LRP1B: variants seen among roughly 807,000 people sequenced by gnomAD.
LRP1B encodes LDL receptor related protein 1B.
LRP1B carries 217 observed loss-of-function variants against 556.6 expected under a neutral mutation model. The observed-to-expected ratio is 0.39, with a 90% CI of 0.35 to 0.44. The LOEUF is 0.44. Among genes scored for constraint, LRP1B ranks in the 20% least tolerant of loss-of-function variants. The probability of loss-of-function intolerance (pLI) is 1.00; values close to 1 mark genes in which losing one functional copy is unlikely to be tolerated. For synonymous variants in LRP1B, 2,047 were observed against 1,865.8 expected, an observed-to-expected ratio of 1.10 and a Z score of -2.50; for missense variants, 5,053 against 5,620.8, an observed-to-expected ratio of 0.90 and a Z score of 3.23.
At chr2:140,583,911 A>G (rs1681880797) in intron 43 of LRP1B, among the ~76,000 whole-genome samples, 1 of 152,180 alleles carries the variant, frequency 6.6e-6, no homozygotes, top group African/African-American at 2.4e-5. Context: ...ATAACTTAAC[A>G]GTCTTCCCAT....
At chr2:141,799,297 G>A (rs998749961) in intron 2 of LRP1B, among the ~76,000 whole-genome samples, 4 of 152,156 alleles carry the variant, frequency 2.6e-5, no homozygotes, top group African/African-American at 7.2e-5. Context: ...AGATAGCTAA[G>A]TGTTCTAGTC....
At chr2:140,407,826 G>T (rs1476880305) in intron 66 of LRP1B, among the ~76,000 whole-genome samples, 3 of 151,828 alleles carry the variant, frequency 2.0e-5, no homozygotes, top group Non-Finnish European at 4.4e-5. Context: ...TCCTACTACT[G>T]GGTACCTATC....
intron 1 of LRP1B, among the ~76,000 whole-genome samples, chr2:141,940,644 T>A (rs1016255651): frequency 6.6e-6 from 1 of 152,184 alleles, no homozygotes; most frequent in Non-Finnish European, 1.5e-5. Flanking sequence ...TTTGAATATA[T>A]GTGTATTTTT....
At chr2:140,607,455 C>A (rs1451067190) in intron 41 of LRP1B, among the ~76,000 whole-genome samples, 1 of 152,020 alleles carries the variant, frequency 6.6e-6, no homozygotes, top group Non-Finnish European at 1.5e-5. Flanking sequence ...TCCACACATA[C>A]ACAAATGTTC....
At chr2:142,017,665 A>G (rs7593415) in intron 1 of LRP1B, among the ~76,000 whole-genome samples, 68,588 of 151,726 alleles carry the variant, frequency 0.45, 15,964 homozygotes, top group African/African-American at 0.56. Flanking sequence ...ACTTGTGCCC[A>G]AGAGTTTTGA....
rs184307558 is a variant in LRP1B, at chr2:140,306,262, G to A, written c.12806-8293C>T. Among the ~76,000 whole-genome samples, 725 of 151,936 alleles carry A rather than the reference G, an allele frequency of 4.8e-3. 8 individuals carry two copies. Among genetic ancestry groups the A allele is most frequent in the African/African-American group, 0.016 (683 of 41,470 alleles). On this transcript the variant is annotated intron_variant, in intron 83 of 90. Transcript: ENST00000389484. ...CCTCCTTGTACTTCCGGTAGAATTT[G>A]GCTGTGAATCTGTCTGGTCCTGTAC...
At chr2:141,501,233 T>C (rs1420404951) in intron 2 of LRP1B, among the ~76,000 whole-genome samples, 2 of 152,152 alleles carry the variant, frequency 1.3e-5, no homozygotes, top group African/African-American at 4.8e-5. Context: ...ATTTTATGTA[T>C]ACTTTATTTT....
chr2:140,361,369 T>TATAC lies in LRP1B; in HGVS notation c.11132-2424_11132-2423insGTAT, dbSNP rs1553454151. 8.3e-4 allele frequency among the ~76,000 whole-genome samples: 105 copies of TATAC among 127,222 alleles called. 3 individuals are homozygous for TATAC. Among genetic ancestry groups the TATAC allele is most frequent in the African/African-American group, 3.1e-3 (104 of 33,118 alleles). The allele number at this position is 127,222 out of a possible 152,430, so 83.5% of individuals were successfully genotyped here. ...ATATATATATATATATATATATATA[T>TATAC]ATATATATATAACAAAAATAAGTAG... On this transcript the variant is annotated intron_variant, in intron 72 of 90. Transcript: ENST00000389484.
At chr2:141,894,134 C>G (rs2104919917) in intron 1 of LRP1B, among the ~76,000 whole-genome samples, 1 of 152,170 alleles carries the variant, frequency 6.6e-6, no homozygotes, top group Admixed American at 6.5e-5. Context: ...TTGGCTGTAA[C>G]TCAGAAATAA....
chr2:141,686,002 G>A (rs894169058), intron 2 of LRP1B, among the ~76,000 whole-genome samples: 1 of 151,902 alleles, frequency 6.6e-6, no homozygotes, highest in African/African-American at 2.4e-5. Context: ...GTTTTCATAT[G>A]GAAAACAAAT....
At chr2:141,692,620 A>G (rs548578092) in intron 2 of LRP1B, among the ~76,000 whole-genome samples, 2 of 152,092 alleles carry the variant, frequency 1.3e-5, no homozygotes, top group East Asian at 3.9e-4. Flanking sequence ...AGGACCCATT[A>G]GAGTCATGAG....
At chr2:142,101,276 C>T (rs188760248) in intron 1 of LRP1B, among the ~76,000 whole-genome samples, 65 of 151,998 alleles carry the variant, frequency 4.3e-4, no homozygotes, top group South Asian at 1.2e-3. Flanking sequence ...TAATCATTCA[C>T]ATAGTAAAAA....
At chr2:141,515,814 G>A (rs1684294648) in intron 2 of LRP1B, among the ~76,000 whole-genome samples, 1 of 152,152 alleles carries the variant, frequency 6.6e-6, no homozygotes, top group Non-Finnish European at 1.5e-5. Context: ...TTGTTAATGA[G>A]TGAGAAGTAA....
At chr2:141,295,151 A>G (rs868829383) in intron 3 of LRP1B, among the ~76,000 whole-genome samples, 4 of 152,274 alleles carry the variant, frequency 2.6e-5, no homozygotes, top group South Asian at 4.1e-4. Flanking sequence ...TCTGCCAATT[A>G]CATAATTAAT....
chr2:140,333,999 A>G (rs983041089), intron 79 of LRP1B, among the ~76,000 whole-genome samples: 4 of 151,712 alleles, frequency 2.6e-5, no homozygotes, highest in Non-Finnish European at 5.9e-5. Context: ...GAAAAGGCAA[A>G]AAAAACAAAA....
At chr2:141,128,776 A>G (rs528980135) in intron 7 of LRP1B, among the ~76,000 whole-genome samples, 1 of 152,146 alleles carries the variant, frequency 6.6e-6, no homozygotes, top group African/African-American at 2.4e-5. Flanking sequence ...ATGCGCCACC[A>G]TGCTCAGCTA....
At chr2:140,366,550 A>G (rs1682771275) in intron 71 of LRP1B, among the ~76,000 whole-genome samples, 1 of 151,780 alleles carries the variant, frequency 6.6e-6, no homozygotes, top group Non-Finnish European at 1.5e-5. Context: ...GAACACAGAG[A>G]AAAACAGATT....
chr2:141,448,603 C>T (rs1225982174), intron 3 of LRP1B, among the ~76,000 whole-genome samples: 1 of 152,144 alleles, frequency 6.6e-6, no homozygotes, highest in Non-Finnish European at 1.5e-5. Context: ...CGGATTGCAC[C>T]ATTCCTTGGG....
At chr2:141,390,087 G>A (rs538479545) in intron 3 of LRP1B, among the ~76,000 whole-genome samples, 12 of 152,178 alleles carry the variant, frequency 7.9e-5, no homozygotes, top group East Asian at 1.9e-4. Context: ...GCAGTGAGCC[G>A]AGATCACGCC....
Sources: allele counts gnomAD v4.1 joint callset (sites outside exome capture counted in the v4.1 genomes callset), GRCh38; gene constraint gnomAD v4.1.1; transcripts MANE v1.5; gene names NCBI Gene and HGNC (gene_info 2026-07-23, HGNC 2026-07-21).